MGA: variants seen among roughly 807,000 people sequenced by gnomAD.
MGA encodes MAX dimerization protein MGA, also known as MAX gene-associated protein.
Under a neutral mutation model 261.1 loss-of-function variants are expected in MGA, and 40 were observed. That is an observed-to-expected ratio of 0.15 (90% CI 0.12 to 0.20). MGA has a LOEUF of 0.20. Ranked by LOEUF, MGA falls within the 10% of genes least tolerant of loss-of-function variation. MGA has a pLI of 1.00. For missense variants in MGA, 3,397 were observed against 3,630.5 expected (o/e 0.94, Z 1.65); for synonymous variants, 1,302 against 1,290.6 (o/e 1.01, Z -0.19).
chr15:41,718,516 T>C (rs2060776009), intron 9 of MGA: 3 of 524,106 alleles, frequency 5.7e-6, no homozygotes, highest in East Asian at 3.0e-5. Context: ...TCTGTAGTCT[T>C]GTAGTTCTCT....
chr15:41,726,379 T>TA (rs2061248838), intron 9 of MGA, among the ~76,000 whole-genome samples: 3 of 152,176 alleles, frequency 2.0e-5, no homozygotes. Context: ...AACTATTGAA[T>TA]AATAAGGTTC....
intron 5 of MGA, among the ~76,000 whole-genome samples, chr15:41,704,278 C>T (rs925390339): frequency 6.6e-6 from 1 of 151,952 alleles, no homozygotes; most frequent in Non-Finnish European, 1.5e-5. Flanking sequence ...CTCCTGGCTT[C>T]AGCCCATCCT....
intron 1 of MGA, among the ~76,000 whole-genome samples, chr15:41,663,817 A>T (rs1442637643): frequency 6.6e-6 from 1 of 152,146 alleles, no homozygotes; most frequent in Non-Finnish European, 1.5e-5. Flanking sequence ...GGTTGGCTTA[A>T]GTAGACTTTA....
chr15:41,740,098 C>G lies in MGA; in HGVS notation c.4480C>G (p.Leu1494Val), dbSNP rs200495510. Residue 1494 changes from leucine (L) to valine (V), a missense_variant, in exon 14 of 24, where the codon CTG (leucine) becomes GTG (valine). Around this residue, in one of 9 missense-constraint regions of MGA, gnomAD observed 1,410 missense variants for 1,386.4 expected, o/e 1.02. Transcript: ENST00000219905. ...GGCTGCATCCAGGAAACCACGTACCCTGTTGCCTTCAACATCCAATTCCAA... is the reference window on the plus strand; with the variant it reads ...GGCTGCATCCAGGAAACCACGTACCGTGTTGCCTTCAACATCCAATTCCAA... 9.5e-5 allele frequency: 154 copies of G among 1,613,930 alleles called. No individual in the cohort carries two copies. The highest frequency in any genetic ancestry group is 1.2e-4 in the Non-Finnish European group (139 of 1,179,908).
chr15:41,736,053 A>C (rs933348040), intron 12 of MGA, 128 bp from the exon 13 acceptor site: 1 of 839,202 alleles, frequency 1.2e-6, no homozygotes, highest in African/African-American at 1.7e-5. Context: ...GTGAAAGTTG[A>C]TACATTTTAA....
chr15:41,724,452 G>T (rs994371364), intron 9 of MGA, among the ~76,000 whole-genome samples: 1 of 152,182 alleles, frequency 6.6e-6, no homozygotes, highest in African/African-American at 2.4e-5. Context: ...AGTCTGATAC[G>T]TAGTAGAAAT....
Position 41,727,277 on chromosome 15 carries a change from G to A in MGA, c.3528G>A (p.Thr1176=), listed in dbSNP as rs771940471. 3.3e-5 allele frequency: 54 copies of A among 1,613,716 alleles called. No homozygotes were observed. Among genetic ancestry groups the A allele is most frequent in the Non-Finnish European group, 3.9e-5 (46 of 1,179,858 alleles). ...ATCCAGAACCAGTTTATATCCCCAC[G>A]CCTTCTGTCATTGAGCCTATGAAAC... The change falls in exon 10 of 24, where the codon ACG becomes ACA. Residue 1176 remains threonine, a synonymous_variant. Coordinates refer to ENST00000219905, the MANE Select transcript of MGA (RefSeq NM_001164273.2).
At chr15:41,714,056 TC>T (rs1288213912) in intron 9 of MGA, among the ~76,000 whole-genome samples, 1 of 152,226 alleles carries the variant, frequency 6.6e-6, no homozygotes, top group Non-Finnish European at 1.5e-5. Context: ...ATTGATTTTT[TC>T]GTTTCTGTTA....
chr15:41,748,023 G>A (rs971464043), intron 15 of MGA, among the ~76,000 whole-genome samples: 12 of 152,208 alleles, frequency 7.9e-5, no homozygotes, highest in African/African-American at 1.9e-4. Context: ...TTGGAAGGCC[G>A]AGATGGCAGG....
intron 5 of MGA, among the ~76,000 whole-genome samples, chr15:41,700,625 A>G (rs1192514957): frequency 6.6e-6 from 1 of 151,954 alleles, no homozygotes; most frequent in Non-Finnish European, 1.5e-5. Flanking sequence ...TTTTATTGTA[A>G]TGCATTATCT....
intron 1 of MGA, among the ~76,000 whole-genome samples, chr15:41,625,278 AATTT>A (rs1272698183): frequency 1.3e-5 from 2 of 152,134 alleles, no homozygotes; most frequent in Non-Finnish European, 2.9e-5. Flanking sequence ...TTAAAAGACA[AATTT>A]ATTTATTTAG....
chr15:41,627,873 A>C (rs1000996414), intron 1 of MGA, among the ~76,000 whole-genome samples: 4 of 152,224 alleles, frequency 2.6e-5, no homozygotes, highest in Non-Finnish European at 2.9e-5. Flanking sequence ...TCTAAATTCA[A>C]AGGTAGGAAA....
intron 9 of MGA, among the ~76,000 whole-genome samples, chr15:41,722,279 G>A (rs761311204): frequency 4.0e-5 from 6 of 151,804 alleles, no homozygotes; most frequent in Non-Finnish European, 5.9e-5. Context: ...ACAGGCGCCC[G>A]CCACCACACC....
intron 1 of MGA, among the ~76,000 whole-genome samples, chr15:41,648,377 G>A (rs2056975517): frequency 6.6e-6 from 1 of 152,160 alleles, no homozygotes; most frequent in African/African-American, 2.4e-5. Flanking sequence ...CTGGTTATTA[G>A]GATTAAATGA....
intron 1 of MGA, among the ~76,000 whole-genome samples, chr15:41,632,824 A>G (rs752826363): frequency 5.7e-4 from 87 of 151,940 alleles, no homozygotes; most frequent in Admixed American, 2.0e-3. Context: ...GCTTCAATGC[A>G]TAATGGGCAG....
In MGA at chr15:41,704,663, C is replaced by T. The variant is rs7163150; in HGVS notation, c.2189-3065C>T. Among the ~76,000 whole-genome samples the T allele has an allele frequency of 4.6e-3, 707 of 152,132 alleles. 8 individuals are homozygous for T. Among genetic ancestry groups the T allele is most frequent in the African/African-American group, 0.016 (670 of 41,528 alleles). ...ACAGAGCAAGACTCCGTCTCAAAAA[C>T]AAAACAAAACAAAAAAAATTGGTGA... On this transcript the variant is annotated intron_variant, in intron 5 of 23. Coordinates refer to ENST00000219905, the MANE Select transcript of MGA (RefSeq NM_001164273.2).
chr15:41,715,878 C>T (rs1400259014), intron 9 of MGA, among the ~76,000 whole-genome samples: 1 of 152,082 alleles, frequency 6.6e-6, no homozygotes, highest in East Asian at 1.9e-4. Flanking sequence ...TGAGTTTACT[C>T]CCTTCTTATG....
intron 20 of MGA, among the ~76,000 whole-genome samples, chr15:41,761,511 T>A (rs2063456968): frequency 6.6e-6 from 1 of 152,232 alleles, no homozygotes; most frequent in South Asian, 2.1e-4. Context: ...CATTCAGTGA[T>A]GCTCTTTGGA....
intron 2 of MGA, among the ~76,000 whole-genome samples, chr15:41,675,222 A>G (rs1446697238): frequency 2.6e-5 from 4 of 152,248 alleles, no homozygotes; most frequent in East Asian, 1.9e-4. Context: ...GAATTTTCCA[A>G]AAGGATCATA....
Sources: allele counts gnomAD v4.1 joint callset (sites outside exome capture counted in the v4.1 genomes callset), GRCh38; gene constraint gnomAD v4.1.1; regional missense constraint gnomAD v4.1.1; transcripts MANE v1.5; gene names NCBI Gene and HGNC (gene_info 2026-07-23, HGNC 2026-07-21).